The following PCDH15 variants were observed in gnomAD, a reference collection of about 807,000 sequenced individuals.
PCDH15 encodes the protein protocadherin related 15.
PCDH15 carries 129 observed loss-of-function variants against 178.5 expected under a neutral mutation model. The observed-to-expected ratio is 0.72, with a 90% CI of 0.63 to 0.84. The LOEUF (loss-of-function observed/expected upper bound fraction) is 0.84, where lower values mean the gene tolerates loss of function less well. PCDH15 is among the 40% of genes least tolerant of loss of function. The pLI is 0.00. For synonymous variants in PCDH15, 800 were observed against 732.0 expected, an observed-to-expected ratio of 1.09 and a Z score of -1.50; for missense variants, 2,230 against 2,099.9, an observed-to-expected ratio of 1.06 and a Z score of -1.21.
At chr10:54,285,208 AAACTT>A (rs1419616951) in intron 8 of PCDH15, among the ~76,000 whole-genome samples, 1 of 152,088 alleles carries the variant, frequency 6.6e-6, no homozygotes, top group African/African-American at 2.4e-5. Flanking sequence ...TTTTGGATAA[AAACTT>A]AAAAGCACAA....
chr10:55,274,549 G>T (rs1220231689), intron 1 of PCDH15, among the ~76,000 whole-genome samples: 1 of 151,996 alleles, frequency 6.6e-6, no homozygotes, highest in African/African-American at 2.4e-5. Flanking sequence ...AACCTGTCTG[G>T]AAGCTGTTTA....
Position 54,117,968 on chromosome 10 carries a change from C to T in PCDH15, c.1917+14907G>A, listed in dbSNP as rs923280919. Among the ~76,000 whole-genome samples the T allele has an allele frequency of 6.6e-5, 10 of 152,216 alleles. No individual in the cohort carries two copies. The East Asian group carries it at 1.4e-3, about 21-fold the overall frequency. ...ACCCTAAATTCTCATTCTGATCTGC[C>T]GAACTGACAGCTGGGCCCCCAGGCT... is the stretch of plus-strand genomic sequence containing the variant. On this transcript the variant is annotated intron_variant, in intron 15 of 37. Transcript: ENST00000644397.
chr10:55,159,820 A>G (rs1054950248), intron 2 of PCDH15, among the ~76,000 whole-genome samples: 3 of 149,278 alleles, frequency 2.0e-5, no homozygotes, highest in Non-Finnish European at 4.4e-5. Context: ...TAAAACATAT[A>G]TATTACATCT....
chr10:54,196,698 A>G (rs528821284), intron 10 of PCDH15, among the ~76,000 whole-genome samples: 68 of 152,242 alleles, frequency 4.5e-4, no homozygotes, highest in African/African-American at 1.5e-3. Context: ...TTTTAACCCC[A>G]AAGGTGATGG....
chr10:55,592,032 A>T (rs1842851191), intron 2 of PCDH15, among the ~76,000 whole-genome samples: 1 of 152,168 alleles, frequency 6.6e-6, no homozygotes, highest in Non-Finnish European at 1.5e-5. Context: ...TTAGAGTGAA[A>T]ATCATAAATG....
intron 20 of PCDH15, among the ~76,000 whole-genome samples, chr10:54,009,330 A>T (rs2092493858): frequency 6.6e-6 from 1 of 152,056 alleles, no homozygotes; most frequent in African/African-American, 2.4e-5. Context: ...CGAGAAATAA[A>T]GAACCCAGAT....
At chr10:54,099,536 CAAAAAACA>C (rs956910717) in intron 15 of PCDH15, among the ~76,000 whole-genome samples, 1 of 109,576 alleles carries the variant, frequency 9.1e-6, no homozygotes, top group African/African-American at 3.7e-5. Context: ...ATATATAAAA[CAAAAAACA>C]AAAAAACAGA....
Position 55,610,170 on chromosome 10 carries a change from A to G in PCDH15, c.-156+17455T>C, listed in dbSNP as rs191423729. On this transcript the variant is annotated intron_variant, in intron 2 of 5. Coordinates refer to the PCDH15 transcript ENST00000613346. Reference sequence around the variant, plus strand: ...AGAAGTTGCAAACTCTAAAAGCTGGAAGGCCAGTCAATATCAGGAACTCCT... The same window carrying G: ...AGAAGTTGCAAACTCTAAAAGCTGGGAGGCCAGTCAATATCAGGAACTCCT... Among the ~76,000 whole-genome samples the G allele has an allele frequency of 3.3e-5, 5 of 152,252 alleles. No homozygotes were observed. In the East Asian group the frequency reaches 9.7e-4, roughly 29 times the overall value.
At chr10:54,017,475 A>G (rs2092777691) in intron 20 of PCDH15, among the ~76,000 whole-genome samples, 1 of 152,206 alleles carries the variant, frequency 6.6e-6, no homozygotes, top group Admixed American at 6.5e-5. Context: ...GAATAAAACC[A>G]TGTCCTTTGC....
intron 5 of PCDH15, among the ~76,000 whole-genome samples, chr10:54,355,881 C>T (rs1944901825): frequency 6.6e-6 from 1 of 152,014 alleles, no homozygotes; most frequent in African/African-American, 2.4e-5. Flanking sequence ...CATTGAAAAG[C>T]ATTCAATAAG....
At chr10:54,796,896 C>T (rs1952076275) in intron 1 of PCDH15, among the ~76,000 whole-genome samples, 1 of 151,916 alleles carries the variant, frequency 6.6e-6, no homozygotes, top group South Asian at 2.1e-4. Context: ...AGAAATAAGT[C>T]CCTTAAATGA....
rs191979468 is a variant in PCDH15 at position 55,099,863 on chromosome 10, A to T, written c.-80+66713T>A. ...TTACTCATAGCAGTGGATATACACA[A>T]ATCCATTTAGGGGTAAATTCTAAGT... On this transcript the variant is annotated intron_variant, in intron 2 of 5. Transcript: ENST00000458638. Among the ~76,000 whole-genome samples, 501 of 152,258 alleles carry T rather than the reference A, an allele frequency of 3.3e-3. 2 individuals are homozygous for T. The highest frequency in any genetic ancestry group is 0.011 in the African/African-American group (445 of 41,574).
chr10:55,335,464 A>G (rs1191273433), intron 2 of PCDH15, among the ~76,000 whole-genome samples: 1 of 152,224 alleles, frequency 6.6e-6, no homozygotes, highest in Non-Finnish European at 1.5e-5. Context: ...ATCATGTGAT[A>G]TTTAAAAATC....
chr10:53,903,876 G>A (rs16937824), intron 25 of PCDH15, among the ~76,000 whole-genome samples: 14,775 of 152,176 alleles, frequency 0.097, 768 homozygotes, highest in African/African-American at 0.13. Context: ...GTGTTCGGGT[G>A]AGGTGTTTAT....
intron 2 of PCDH15, among the ~76,000 whole-genome samples, chr10:55,536,687 C>T (rs1301186902): frequency 6.6e-6 from 1 of 152,072 alleles, no homozygotes; most frequent in Non-Finnish European, 1.5e-5. Flanking sequence ...GTTTTTCCTG[C>T]TCTCTCTTAT....
At position 54,627,645 on chromosome 10, in the gene PCDH15, G is replaced by A. The variant is rs549024917; in HGVS notation, c.91+36527C>T. ...TGTCTTTATCAGCAGTGTGAAAATG[G>A]ACTAATACAGCCAGGTTTTGGCAGA... On this transcript the variant is annotated intron_variant, in intron 2 of 37. Coordinates refer to ENST00000644397, the MANE Select transcript of PCDH15 (RefSeq NM_001384140.1). Among the ~76,000 whole-genome samples, 4 of 152,232 alleles carry A rather than the reference G, an allele frequency of 2.6e-5. No homozygotes were observed. In the South Asian group the frequency reaches 8.3e-4, roughly 32 times the overall value.
At chr10:55,295,466 T>A (rs893193321) in intron 1 of PCDH15, among the ~76,000 whole-genome samples, 1 of 152,234 alleles carries the variant, frequency 6.6e-6, no homozygotes, top group South Asian at 2.1e-4. Context: ...TATTTAAGTA[T>A]TGTTGCAAGG....
intron 23 of PCDH15, among the ~76,000 whole-genome samples, chr10:53,952,649 C>A (rs2087182531): frequency 6.6e-6 from 1 of 152,184 alleles, no homozygotes; most frequent in Non-Finnish European, 1.5e-5. Context: ...GGGGTTTCAC[C>A]AGACCCATCC....
chr10:54,197,597 C>G (rs1421493370), intron 10 of PCDH15, among the ~76,000 whole-genome samples: 1 of 151,994 alleles, frequency 6.6e-6, no homozygotes, highest in African/African-American at 2.4e-5. Context: ...AGTGACAGTA[C>G]TTTGTAAGTA....
Sources: allele counts gnomAD v4.1 joint callset (sites outside exome capture counted in the v4.1 genomes callset), GRCh38; gene constraint gnomAD v4.1.1; transcripts MANE v1.5; gene names NCBI Gene and HGNC (gene_info 2026-07-23, HGNC 2026-07-21).